MCC: variants seen among roughly 807,000 people sequenced by gnomAD.
MCC encodes the protein MCC regulator of Wnt signaling pathway.
Under a neutral mutation model 116.2 loss-of-function variants are expected in MCC, and 90 were observed. That is an observed-to-expected ratio of 0.77 (90% CI 0.65 to 0.92). The LOEUF is 0.92. MCC is among the 40% of genes least tolerant of loss of function. MCC has a pLI of 0.00. For missense variants in MCC, 1,516 were observed against 1,312.2 expected (o/e 1.16, Z -2.40); for synonymous variants, 578 against 510.5 (o/e 1.13, Z -1.78).
At chr5:113,064,561 G>A (rs1323716743) in intron 13 of MCC, among the ~76,000 whole-genome samples, 1 of 152,228 alleles carries the variant, frequency 6.6e-6, no homozygotes, top group Non-Finnish European at 1.5e-5. Flanking sequence ...TGTGAATGAG[G>A]GAGGGAGAAA....
At chr5:113,374,343 T>C (rs1044567732) in intron 2 of MCC, among the ~76,000 whole-genome samples, 2 of 152,126 alleles carry the variant, frequency 1.3e-5, no homozygotes, top group Admixed American at 6.6e-5. Flanking sequence ...CTGTAAATCA[T>C]TGTCTGGTAC....
chr5:113,412,278 C>G (rs538835116), intron 1 of MCC, among the ~76,000 whole-genome samples: 1 of 152,188 alleles, frequency 6.6e-6, no homozygotes, highest in African/African-American at 2.4e-5. Flanking sequence ...TCCATATGAA[C>G]TTTAAAGTAG....
At chr5:113,450,106 T>A (rs1313754205) in intron 1 of MCC, among the ~76,000 whole-genome samples, 1 of 152,172 alleles carries the variant, frequency 6.6e-6, no homozygotes, top group Non-Finnish European at 1.5e-5. Flanking sequence ...GGGTCTCTCC[T>A]TATGTCCACA....
chr5:113,033,260 G>A (rs1366868729), intron 17 of MCC, among the ~76,000 whole-genome samples: 1 of 152,212 alleles, frequency 6.6e-6, no homozygotes, highest in African/African-American at 2.4e-5. Context: ...CTTGTCATCA[G>A]GCAAGCTTGA....
At chr5:113,357,673 C>T (rs1371915270) in intron 2 of MCC, among the ~76,000 whole-genome samples, 1 of 152,144 alleles carries the variant, frequency 6.6e-6, no homozygotes, top group East Asian at 1.9e-4. Flanking sequence ...AATGGTGGAG[C>T]TTAACTCATA....
chr5:113,156,439 C>T (rs1420608014), intron 3 of MCC, among the ~76,000 whole-genome samples: 1 of 152,212 alleles, frequency 6.6e-6, no homozygotes, highest in African/African-American at 2.4e-5. Flanking sequence ...ACAACCTTCT[C>T]AGGCAGACCA....
At chr5:113,422,180 C>T (rs1770357327) in intron 1 of MCC, among the ~76,000 whole-genome samples, 1 of 152,144 alleles carries the variant, frequency 6.6e-6, no homozygotes. Flanking sequence ...ACACTCCGGC[C>T]ATGGTTGATT....
At chr5:113,143,648 A>C (rs1759322104) in intron 4 of MCC, among the ~76,000 whole-genome samples, 2 of 152,150 alleles carry the variant, frequency 1.3e-5, no homozygotes, top group South Asian at 2.1e-4. Flanking sequence ...CAAGTCCCCC[A>C]CTTTCCCGTA....
intron 1 of MCC, among the ~76,000 whole-genome samples, chr5:113,421,273 GCC>G (rs1561562467): frequency 6.6e-6 from 1 of 151,970 alleles, no homozygotes; most frequent in African/African-American, 2.4e-5. Context: ...TGATCTGCCC[GCC>G]TGGACTCCCA....
intron 1 of MCC, among the ~76,000 whole-genome samples, chr5:113,432,320 CAAAAAAAAAAAA>C (rs66577040): frequency 9.5e-4 from 65 of 68,614 alleles, no homozygotes; most frequent in Admixed American, 3.3e-3. Context: ...GACTCTGTCT[CAAAAAAAAAAAA>C]AAAAAAAAAA....
chr5:113,240,257 A>G (rs1764316641), intron 3 of MCC, among the ~76,000 whole-genome samples: 2 of 152,138 alleles, frequency 1.3e-5, no homozygotes, highest in Non-Finnish European at 2.9e-5. Flanking sequence ...CTAGTGAGAG[A>G]GCAAGGCCTA....
At chr5:113,192,451 A>T (rs958518972) in intron 3 of MCC, among the ~76,000 whole-genome samples, 1 of 152,222 alleles carries the variant, frequency 6.6e-6, no homozygotes, top group African/African-American at 2.4e-5. Context: ...AAAAAAGCAT[A>T]TGCAGAAAAT....
chr5:113,438,038 G>C (rs964864884), intron 1 of MCC, among the ~76,000 whole-genome samples: 2 of 152,148 alleles, frequency 1.3e-5, no homozygotes, highest in Non-Finnish European at 2.9e-5. Flanking sequence ...CCTAGTGAAA[G>C]AGCAAGCAGA....
intron 3 of MCC, among the ~76,000 whole-genome samples, chr5:113,259,384 G>A (rs1765138200): frequency 6.6e-6 from 1 of 152,058 alleles, no homozygotes; most frequent in Admixed American, 6.6e-5. Flanking sequence ...AAGTCATTCA[G>A]CCCTAAATTC....
intron 3 of MCC, among the ~76,000 whole-genome samples, chr5:113,274,664 A>G (rs1280265124): frequency 1.3e-5 from 2 of 152,128 alleles, no homozygotes; most frequent in Admixed American, 1.3e-4. Context: ...CCCATCCTAA[A>G]GATATTTTGA....
intron 2 of MCC, among the ~76,000 whole-genome samples, chr5:113,376,872 CT>C (rs1375127857): frequency 2.6e-5 from 4 of 152,084 alleles, no homozygotes; most frequent in Admixed American, 6.5e-5. Flanking sequence ...TCACTGCATT[CT>C]TATAGTCTGA....
chr5:113,075,926 T>G (rs1477574383), intron 11 of MCC, among the ~76,000 whole-genome samples: 1 of 152,092 alleles, frequency 6.6e-6, no homozygotes, highest in East Asian at 1.9e-4. Flanking sequence ...CAACTCCAGA[T>G]GCGCCCCCTT....
At chr5:113,159,916 A>G (rs913708078) in intron 3 of MCC, among the ~76,000 whole-genome samples, 2 of 152,238 alleles carry the variant, frequency 1.3e-5, no homozygotes, top group African/African-American at 4.8e-5. Context: ...ACTGCATGGA[A>G]ATCACTTTTG....
intron 14 of MCC, among the ~76,000 whole-genome samples, chr5:113,062,443 G>A (rs1753289078): frequency 6.6e-6 from 1 of 152,136 alleles, no homozygotes. Context: ...TTGGGGGTAG[G>A]GAGGTTTGAG....
Sources: allele counts gnomAD v4.1 joint callset (sites outside exome capture counted in the v4.1 genomes callset), GRCh38; gene constraint gnomAD v4.1.1; transcripts MANE v1.5; gene names NCBI Gene and HGNC (gene_info 2026-07-23, HGNC 2026-07-21).